SSTR3: variants seen among roughly 807,000 people sequenced by gnomAD.
SSTR3 encodes the protein somatostatin receptor 3, also known as somatostatin receptor type 3.
For missense variants in SSTR3, 504 were observed against 604.7 expected, an observed-to-expected ratio of 0.83 and a Z score of 1.75; for synonymous variants, 281 against 269.2, an observed-to-expected ratio of 1.04 and a Z score of -0.43.
In SSTR3 at chr22:37,206,824, A is replaced by G; in HGVS notation, c.980T>C (p.Val327Ala). ...SYRFKQGFRR[V>A]LLRPSRRVRS... ...CACACGGCGGGAGGGCCGCAGCAGG[A>G]CCCTGCGGAAGCCCTGCTTGAAGCG... Residue 327 changes from valine to alanine, a missense_variant, in exon 2 of 2, where the codon GTC becomes GCC. Val to Ala is a moderately conservative substitution (Grantham distance 64, BLOSUM62 0). Transcript: ENST00000610913. 6.2e-7 allele frequency: 1 copy of G among 1,612,846 alleles called. No individual in the cohort carries two copies. Among genetic ancestry groups the G allele is most frequent in the Non-Finnish European group, 8.5e-7 (1 of 1,179,988 alleles).
At chr22:37,209,232 G>A (rs1363295017) in intron 1 of SSTR3, among the ~76,000 whole-genome samples, 1 of 152,210 alleles carries the variant, frequency 6.6e-6, no homozygotes, top group Non-Finnish European at 1.5e-5. Context: ...GGGAAGGGAA[G>A]GCACCCCAAA....
upstream of SSTR3, among the ~76,000 whole-genome samples, chr22:37,215,205 A>G (rs1476746444): frequency 6.6e-6 from 1 of 152,004 alleles, no homozygotes; most frequent in Non-Finnish European, 1.5e-5. Flanking sequence ...ACCTGTATAT[A>G]TATGCTATTA....
At chr22:37,217,196 G>A (rs1032903836), upstream of SSTR3, among the ~76,000 whole-genome samples, 5 of 152,200 alleles carry the variant, frequency 3.3e-5, no homozygotes, top group Non-Finnish European at 5.9e-5. Flanking sequence ...CATGTTGATA[G>A]GTAGGCTAGG....
chr22:37,211,099 T>C (rs950991544), intron 1 of SSTR3: 12 of 424,610 alleles, frequency 2.8e-5, no homozygotes, highest in Admixed American at 6.4e-5. Flanking sequence ...CCCAGTTCTA[T>C]CTACTTCTAA....
chr22:37,220,077 G>A, the SSTR3 span, among the ~76,000 whole-genome samples: 3 of 151,002 alleles, frequency 2.0e-5, no homozygotes, highest in South Asian at 2.1e-4. Context: ...CAGTCTAGAC[G>A]GGAAGCACTT....
Position 37,207,120 on chromosome 22 carries a change from G to GAGCA in SSTR3, c.680_683dup (p.Ile229AlafsTer122). On this transcript the variant is annotated frameshift_variant, in exon 2 of 2. Transcript: ENST00000610913. LOFTEE classifies it low-confidence loss of function (END_TRUNC). ...CAGCTGAGCGCACCTTCACCACGAT[G>GAGCA]AGCAGGTAGCAGAGGCAGATGACCA... The GAGCA allele has an allele frequency of 1.2e-6, 2 of 1,612,642 alleles. No individual in the cohort carries two copies. Among genetic ancestry groups the GAGCA allele is most frequent in the South Asian group, 2.2e-5 (2 of 91,088 alleles).
chr22:37,218,506 G>A, the SSTR3 span, among the ~76,000 whole-genome samples: 1 of 152,188 alleles, frequency 6.6e-6, no homozygotes, highest in Non-Finnish European at 1.5e-5. Context: ...CATCCCAGTA[G>A]CCACAGCAAG....
Position 37,205,259 on chromosome 22 carries a change from A to G in SSTR3, c.*1288T>C, listed in dbSNP as rs577110806. ...CCCTGTGCCTGTCTGTACTCTGTGC[A>G]TTTGCCATTGCACCCTGGCTGTTCC... is the stretch of plus-strand genomic sequence containing the variant. On this transcript the variant is annotated 3_prime_UTR_variant, in exon 2 of 2. Transcript: ENST00000610913. 1.2e-4 allele frequency: 18 copies of G among 152,634 alleles called. No homozygotes were observed. The Middle Eastern group carries it at 0.014, about 115-fold the overall frequency. The allele number at this position is 152,634 out of a possible 1,614,324, so 9.5% of individuals were successfully genotyped here.
chr22:37,207,603 A>T lies in SSTR3; in HGVS notation c.201T>A (p.Tyr67Ter), dbSNP rs771215439. ...GGCTGGCCGTGTGCCGCAGGACCACATAGATGACCAGCGAGTTACCCAGCA... is the reference window on the plus strand; with the variant it reads ...GGCTGGCCGTGTGCCGCAGGACCACTTAGATGACCAGCGAGTTACCCAGCA... Reference protein sequence around the residue: ...VGLLGNSLVIYVVLRHTASPS... With the variant: ...VGLLGNSLVI Residue 67 changes from tyrosine to a stop codon, truncating the protein, a stop_gained, in exon 2 of 2, where the codon TAT becomes TAA. Transcript: ENST00000610913. LOFTEE classifies it low-confidence loss of function (END_TRUNC). The T allele has an allele frequency of 6.2e-7, 1 of 1,608,794 alleles. No homozygotes were observed. Among genetic ancestry groups the T allele is most frequent in the East Asian group, 2.2e-5 (1 of 44,748 alleles).
the SSTR3 span, among the ~76,000 whole-genome samples, chr22:37,219,614 A>C: frequency 6.6e-6 from 1 of 152,248 alleles, no homozygotes; most frequent in East Asian, 1.9e-4. Flanking sequence ...GGTAGAGAGG[A>C]GAGGTCAGAG....
the SSTR3 span, among the ~76,000 whole-genome samples, chr22:37,220,484 G>A: frequency 6.6e-6 from 1 of 152,158 alleles, no homozygotes; most frequent in Non-Finnish European, 1.5e-5. Flanking sequence ...CCTGGGAGGT[G>A]GAGGTTGCAG....
At position 37,211,891 on chromosome 22, in the gene SSTR3, C is replaced by G; in HGVS notation, c.-103G>C. On this transcript the variant is annotated 5_prime_UTR_variant, in exon 1 of 2. Transcript: ENST00000610913. ...GTTATCATTCTGCTGTCCCCTCTCC[C>G]TGCCCAGTCCCCAGGTGCCCCCAGG... The G allele has an allele frequency of 1.0e-6, 1 of 985,822 alleles. No individual in the cohort carries two copies. The highest frequency in any genetic ancestry group is 1.7e-5 in the African/African-American group (1 of 57,368). 61.1% of individuals were successfully genotyped at this position (985,822 alleles called of 1,614,324 possible). A position where few individuals can be genotyped will look rare whatever the true frequency, so the allele number is the denominator to read the frequency against.
upstream of SSTR3, among the ~76,000 whole-genome samples, chr22:37,212,641 G>A (rs1926263356): frequency 6.6e-6 from 1 of 152,176 alleles, no homozygotes; most frequent in African/African-American, 2.4e-5. Flanking sequence ...GGGAGTTGGA[G>A]AGAAGAATGT....
At chr22:37,220,106 T>C in the SSTR3 span, among the ~76,000 whole-genome samples, 5 of 152,296 alleles carry the variant, frequency 3.3e-5, no homozygotes, top group African/African-American at 1.2e-4. Context: ...AATACACCTA[T>C]TTAATAAACA....
Position 37,206,500 on chromosome 22 carries a change from C to A in SSTR3, c.*47G>T. On this transcript the variant is annotated 3_prime_UTR_variant, in exon 2 of 2. Coordinates refer to ENST00000610913, the MANE Select transcript of SSTR3 (RefSeq NM_001051.5). The stretch of plus-strand genomic sequence containing the variant: ...TTGGGAAGTAGGCCCTAGGCACACC[C>A]ACGGCTTCTGCCTCTTCCTCGGGCC... 1.3e-6 allele frequency: 2 copies of A among 1,550,042 alleles called. No homozygotes were observed. Among genetic ancestry groups the A allele is most frequent in the South Asian group, 1.2e-5 (1 of 81,894 alleles).
rs1926218723 is a variant in SSTR3 at position 37,211,989 on chromosome 22, C to G, written c.-201G>C. On this transcript the variant is annotated 5_prime_UTR_variant, in exon 1 of 2. Transcript: ENST00000610913. ...GCGGGCTCAGGTTCCCTCCCAGGCC[C>G]TCGGCCACGGCTGTCCACAGAGCCT... 5 of 985,696 alleles carry G rather than the reference C, an allele frequency of 5.1e-6. No individual in the cohort carries two copies. In the South Asian group the frequency reaches 2.3e-4, roughly 46 times the overall value. The allele number at this position is 985,696 out of a possible 1,614,324, so 61.1% of individuals were successfully genotyped here.
At chr22:37,211,086 G>A (rs1173923190) in intron 1 of SSTR3, 10 of 559,204 alleles carry the variant, frequency 1.8e-5, no homozygotes, top group South Asian at 7.8e-5. Flanking sequence ...GCCAGAATTC[G>A]AACCCAGTTC....
the SSTR3 span, among the ~76,000 whole-genome samples, chr22:37,219,569 T>C: frequency 6.6e-6 from 1 of 152,108 alleles, no homozygotes; most frequent in Non-Finnish European, 1.5e-5. Context: ...TGTCCCCAAA[T>C]GTCAGTATCT....
intron 1 of SSTR3, among the ~76,000 whole-genome samples, chr22:37,208,729 G>A (rs1300291418): frequency 2.0e-5 from 3 of 152,224 alleles, no homozygotes; most frequent in African/African-American, 7.2e-5. Flanking sequence ...CGCAGAAGAA[G>A]CTGGGGCTCC....
Sources: allele counts gnomAD v4.1 joint callset (sites outside exome capture counted in the v4.1 genomes callset), GRCh38; gene constraint gnomAD v4.1.1; transcripts MANE v1.5; gene names NCBI Gene and HGNC (gene_info 2026-07-23, HGNC 2026-07-21).